The following ZNF264 variants were observed in gnomAD, a reference collection of about 807,000 sequenced individuals.
The protein encoded by ZNF264 is zinc finger protein 264.
Under a neutral mutation model 11.2 loss-of-function variants are expected in ZNF264, and 11 were observed. The ratio of observed to expected loss-of-function variants is 0.98; its 90% CI spans 0.62 to 1.63. The LOEUF (loss-of-function observed/expected upper bound fraction) is 1.63, where lower values mean the gene tolerates loss of function less well. ZNF264 is among the 40% of genes most tolerant of loss of function. The pLI is 0.00. For synonymous variants in ZNF264, 309 were observed against 279.8 expected (o/e 1.10, Z -1.04); for missense variants, 752 against 768.1 (o/e 0.98, Z 0.25).
intron 2 of ZNF264, among the ~76,000 whole-genome samples, chr19:57,200,558 G>C (rs73062827): frequency 0.24 from 24,212 of 102,924 alleles, 4,394 homozygotes; most frequent in African/African-American, 0.51. Context: ...TGTGTCTTGT[G>C]TCTTGTCTTG....
Position 57,212,991 on chromosome 19 carries a change from C to G in ZNF264, c.*10C>G, listed in dbSNP as rs768082987. On this transcript the variant is annotated 3_prime_UTR_variant, in exon 4 of 4. Coordinates refer to ENST00000263095, the MANE Select transcript of ZNF264 (RefSeq NM_003417.5). The stretch of plus-strand genomic sequence containing the variant: ...AGTGTCTTCACTGTGAGAAAACCTT[C>G]TGTTGCTGAATATTACTTGTCATCT... 1 of 1,596,916 alleles carries G rather than the reference C, an allele frequency of 6.3e-7. No homozygotes were observed. The highest frequency in any genetic ancestry group is 8.5e-7 in the Non-Finnish European group (1 of 1,169,930).
chr19:57,193,567 A>G (rs1385994853), intron 1 of ZNF264: 9 of 980,986 alleles, frequency 9.2e-6, no homozygotes, highest in African/African-American at 1.8e-5. Context: ...CATTATTGCT[A>G]TTATTACCAT....
intron 2 of ZNF264, among the ~76,000 whole-genome samples, chr19:57,200,681 C>T (rs1599947993): frequency 6.6e-6 from 1 of 151,818 alleles, no homozygotes; most frequent in African/African-American, 2.4e-5. Flanking sequence ...GTGGCACAAT[C>T]TCGGCTCACT....
Position 57,216,544 on chromosome 19 carries a change from A to G in ZNF264, c.*3563A>G, listed in dbSNP as rs538938542. ...TTTTTGCCTTTTAATAGTCTTGTCA[A>G]TACTTTACCTGATGTTCTCATAGTG... On this transcript the variant is annotated 3_prime_UTR_variant, in exon 4 of 4. Coordinates refer to ENST00000263095, the MANE Select transcript of ZNF264 (RefSeq NM_003417.5). 1.6e-4 allele frequency: 24 copies of G among 152,272 alleles called. No homozygotes were observed. Among genetic ancestry groups the G allele is most frequent in the African/African-American group, 4.3e-4 (18 of 41,558 alleles). The allele number at this position is 152,272 out of a possible 1,614,324, so 9.4% of individuals were successfully genotyped here.
intron 2 of ZNF264, among the ~76,000 whole-genome samples, chr19:57,199,810 A>G (rs1599947277): frequency 6.6e-6 from 1 of 151,792 alleles, no homozygotes; most frequent in East Asian, 1.9e-4. Context: ...AGGGTGCTAG[A>G]GGAGAATCGA....
chr19:57,197,945 C>T (rs1400776438), intron 2 of ZNF264, among the ~76,000 whole-genome samples: 3 of 151,960 alleles, frequency 2.0e-5, no homozygotes, highest in Admixed American at 2.0e-4. Context: ...ATCCAGTCGG[C>T]ATAATGTCAT....
At position 57,191,953 on chromosome 19, in the gene ZNF264, G is replaced by A. The variant is rs780672535; in HGVS notation, c.33+7G>A. Reference sequence around the variant, plus strand: ...GCTGACGGACCGGGCCCAGGTGAGTGGACGGTGGCTTCGCGGTTGCCGCTT... The same window carrying A: ...GCTGACGGACCGGGCCCAGGTGAGTAGACGGTGGCTTCGCGGTTGCCGCTT... On this transcript the variant is annotated splice_region_variant and intron_variant, in intron 1 of 3. Coordinates refer to ENST00000263095, the MANE Select transcript of ZNF264 (RefSeq NM_003417.5). 3.3e-6 allele frequency: 5 copies of A among 1,537,194 alleles called. No homozygotes were observed. Among genetic ancestry groups the A allele is most frequent in the Non-Finnish European group, 2.6e-6 (3 of 1,140,394 alleles).
At position 57,216,101 on chromosome 19, in the gene ZNF264, CT is replaced by C. The variant is rs2087378188; in HGVS notation, c.*3121del. ...GGTGCAGTGGCTCACGCCTGTAATC[CT>C]AGCACTTTGAGACCACTAAGGCAGG... On this transcript the variant is annotated 3_prime_UTR_variant, in exon 4 of 4. Coordinates refer to ENST00000263095, the MANE Select transcript of ZNF264 (RefSeq NM_003417.5). The C allele has an allele frequency of 6.6e-6, 1 of 152,282 alleles. No homozygotes were observed. Among genetic ancestry groups the C allele is most frequent in the African/African-American group, 2.4e-5 (1 of 41,446 alleles). The allele number at this position is 152,282 out of a possible 1,614,324, so 9.4% of individuals were successfully genotyped here. A position where few individuals can be genotyped will look rare whatever the true frequency, so the allele number is the denominator to read the frequency against.
chr19:57,193,461 G>A (rs962485086), intron 1 of ZNF264: 3 of 984,306 alleles, frequency 3.0e-6, no homozygotes, highest in African/African-American at 3.5e-5. Flanking sequence ...TTGGAGCTAG[G>A]AACTTCTAGT....
rs542913626 is a variant in ZNF264, at chr19:57,222,540, A to C, written c.*9559A>C. 1 of 149,294 alleles carries C rather than the reference A, an allele frequency of 6.7e-6. No individual in the cohort carries two copies. The highest frequency in any genetic ancestry group is 2.0e-4 in the East Asian group (1 of 5,112). The allele number at this position is 149,294 out of a possible 1,614,324, so 9.2% of individuals were successfully genotyped here. A position where few individuals can be genotyped will look rare whatever the true frequency, so the allele number is the denominator to read the frequency against. On this transcript the variant is annotated 3_prime_UTR_variant, in exon 4 of 4. Transcript: ENST00000263095. ...TCTCTCTCTATATATATATATGTAT[A>C]TGTGTGTGTACATATGGACCACTTC... is the stretch of plus-strand genomic sequence containing the variant.
At chr19:57,199,692 AAACTC>A (rs1208307316) in intron 2 of ZNF264, among the ~76,000 whole-genome samples, 6 of 152,028 alleles carry the variant, frequency 3.9e-5, no homozygotes, top group East Asian at 1.9e-4. Flanking sequence ...ATAAATTAGA[AAACTC>A]AATTCAAGTG....
intron 1 of ZNF264, chr19:57,192,277 C>G (rs2087179505): frequency 1.0e-6 from 1 of 953,718 alleles, no homozygotes. Context: ...AGCAAGCCGA[C>G]AAATGCGCGA....
rs2087171684 is a variant in ZNF264, at chr19:57,191,505, C to T, written c.-409C>T. The T allele has an allele frequency of 5.2e-6, 1 of 193,532 alleles. No homozygotes were observed. The highest frequency in any genetic ancestry group is 1.9e-4 in the South Asian group (1 of 5,252). 12.0% of individuals were successfully genotyped at this position (193,532 alleles called of 1,614,324 possible). A position where few individuals can be genotyped will look rare whatever the true frequency, so the allele number is the denominator to read the frequency against. ...GGTTGCTCGCTGCGGACGCCATTTTCTTCTGCACTTCTGTCTGGAGAGGTC... is the reference window on the plus strand; with the variant it reads ...GGTTGCTCGCTGCGGACGCCATTTTTTTCTGCACTTCTGTCTGGAGAGGTC... On this transcript the variant is annotated 5_prime_UTR_variant, in exon 1 of 4. Transcript: ENST00000263095.
rs2087383454 is a variant in ZNF264, at chr19:57,216,851, A to G, written c.*3870A>G. ...TGGGGTTGTTTACTAGTCTTCCTAT[A>G]GGTTACTTCACCTTTTTTTTTTTTA... On this transcript the variant is annotated 3_prime_UTR_variant, in exon 4 of 4. Transcript: ENST00000263095. The G allele has an allele frequency of 2.7e-5, 4 of 149,988 alleles. No individual in the cohort carries two copies. The South Asian group carries it at 8.4e-4, about 32-fold the overall frequency. 9.3% of individuals were successfully genotyped at this position (149,988 alleles called of 1,614,324 possible). A position where few individuals can be genotyped will look rare whatever the true frequency, so the allele number is the denominator to read the frequency against.
chr19:57,192,135 G>A (rs2087178278), intron 1 of ZNF264, among the ~76,000 whole-genome samples, 189 bp downstream of exon 1: 1 of 152,100 alleles, frequency 6.6e-6, no homozygotes, highest in African/African-American at 2.4e-5. Context: ...AAGGAGCTCC[G>A]TAGGTTGTTG....
chr19:57,196,528 C>T (rs1418514838), intron 2 of ZNF264, among the ~76,000 whole-genome samples: 1 of 151,868 alleles, frequency 6.6e-6, no homozygotes, highest in East Asian at 1.9e-4. Context: ...GTAGCCAGGT[C>T]AGCCTTGGTA....
At position 57,193,465 on chromosome 19, in the gene ZNF264, T is replaced by C. The variant is rs1367048076; in HGVS notation, c.34-410T>C. ...GTTTCAAGTGTTTGGAGCTAGGAAC[T>C]TCTAGTCACTGTGTTTACACAGGAT... On this transcript the variant is annotated intron_variant, in intron 1 of 3. Coordinates refer to ENST00000263095, the MANE Select transcript of ZNF264 (RefSeq NM_003417.5). 4.2e-5 allele frequency: 41 copies of C among 984,938 alleles called. 1 individual carries two copies. In the South Asian group the frequency reaches 1.3e-3, roughly 30 times the overall value. 61.0% of individuals were successfully genotyped at this position (984,938 alleles called of 1,614,324 possible). A position where few individuals can be genotyped will look rare whatever the true frequency, so the allele number is the denominator to read the frequency against.
At chr19:57,192,523 C>G in intron 1 of ZNF264, 1 of 985,376 alleles carries the variant, frequency 1.0e-6, no homozygotes, top group African/African-American at 1.7e-5. Context: ...ATCCTGGCGT[C>G]AGAGACAAGT....
intron 1 of ZNF264, among the ~76,000 whole-genome samples, chr19:57,192,771 G>C (rs561061375): frequency 4.0e-4 from 61 of 151,962 alleles, no homozygotes; most frequent in African/African-American, 1.4e-3. Context: ...TCACTCTGTC[G>C]CCCAGGCTGG....
Sources: gnomAD v4.1 joint callset for allele counts (sites outside exome capture counted in the v4.1 genomes callset) on GRCh38, gnomAD v4.1.1 for gene constraint, MANE v1.5 for transcripts, NCBI Gene and HGNC (gene_info 2026-07-23, HGNC 2026-07-21) for gene names.